The following METTL15 variants were observed in gnomAD, a reference collection of about 807,000 sequenced individuals.
METTL15 encodes the protein methyltransferase 15, mitochondrial 12S rRNA N4-cytidine.
In METTL15, 34 loss-of-function variants were observed where a neutral mutation model predicts 38.3. The observed-to-expected ratio is 0.89, with a 90% confidence interval of 0.68 to 1.18. The LOEUF is 1.18. Ranked by LOEUF, METTL15 falls within the 50% of genes most tolerant of loss-of-function variation. The pLI is 0.00. For synonymous variants in METTL15, 162 were observed against 170.9 expected (o/e 0.95, Z 0.41); for missense variants, 438 against 498.4 (o/e 0.88, Z 1.15).
chr11:28,476,355 G>A (rs1851346115), intron 6 of METTL15, among the ~76,000 whole-genome samples: 1 of 152,140 alleles, frequency 6.6e-6, no homozygotes. Flanking sequence ...TCTGAGTGTT[G>A]AGTTGTTGTC....
chr11:28,185,493 A>G (rs948200214), intron 3 of METTL15, among the ~76,000 whole-genome samples: 72 of 151,558 alleles, frequency 4.8e-4, no homozygotes, highest in African/African-American at 1.5e-3. Flanking sequence ...ATCATCTTCA[A>G]AAGTTACTAG....
At chr11:28,201,610 G>GTGTGTGTGTGTGTGTGTGTGTGT (rs143585250) in intron 3 of METTL15, among the ~76,000 whole-genome samples, 3 of 145,654 alleles carry the variant, frequency 2.1e-5, no homozygotes, top group East Asian at 4.1e-4. Flanking sequence ...GTCTTGGGAG[G>GTGTGTGTGTGTGTGTGTGTGTGT]GTGTGTGTGT....
intron 6 of METTL15, among the ~76,000 whole-genome samples, chr11:28,325,574 A>G (rs983359225): frequency 2.0e-5 from 3 of 152,186 alleles, no homozygotes; most frequent in African/African-American, 7.2e-5. Flanking sequence ...TCTATTCATT[A>G]TCTTTTCAAC....
intron 3 of METTL15, among the ~76,000 whole-genome samples, chr11:28,338,779 C>T (rs1348386352): frequency 6.6e-6 from 1 of 152,094 alleles, no homozygotes; most frequent in Non-Finnish European, 1.5e-5. Context: ...CTTCAAATTA[C>T]AAACCAGGAC....
intron 5 of METTL15, among the ~76,000 whole-genome samples, chr11:28,295,362 A>C (rs767138239): frequency 3.9e-5 from 6 of 152,164 alleles, no homozygotes; most frequent in Non-Finnish European, 8.8e-5. Context: ...TCCAAGGACC[A>C]GATCTTCATC....
intron 3 of METTL15, among the ~76,000 whole-genome samples, chr11:28,189,171 A>C (rs1851611916): frequency 6.6e-6 from 1 of 151,374 alleles, no homozygotes; most frequent in Non-Finnish European, 1.5e-5. Context: ...GGAAATATTA[A>C]ATAGTGTTAA....
At chr11:28,355,163 T>A (rs1187157280) in intron 4 of METTL15, among the ~76,000 whole-genome samples, 3 of 152,192 alleles carry the variant, frequency 2.0e-5, no homozygotes, top group African/African-American at 7.2e-5. Flanking sequence ...ACCTTCTCCC[T>A]TTATCCCAAC....
intron 3 of METTL15, chr11:28,163,681 C>T (rs748415205): frequency 1.3e-5 from 5 of 383,118 alleles, no homozygotes; most frequent in Non-Finnish European, 2.3e-5. Context: ...TGGCTTATAC[C>T]CTGAGAACTT....
At chr11:28,509,508 CTT>C (rs1222751026) in intron 6 of METTL15, among the ~76,000 whole-genome samples, 1 of 150,916 alleles carries the variant, frequency 6.6e-6, no homozygotes, top group African/African-American at 2.4e-5. Flanking sequence ...AAAAGCAAGA[CTT>C]ATCTTTTGGA....
intron 6 of METTL15, among the ~76,000 whole-genome samples, chr11:28,326,259 A>G (rs1849631284): frequency 6.6e-6 from 1 of 151,954 alleles, no homozygotes; most frequent in South Asian, 2.1e-4. Context: ...TTCAGAGTCC[A>G]GCATAAGAGT....
intron 3 of METTL15, among the ~76,000 whole-genome samples, chr11:28,169,001 A>G (rs780540005): frequency 6.6e-6 from 1 of 152,176 alleles, no homozygotes; most frequent in Non-Finnish European, 1.5e-5. Context: ...GCAACAGGGA[A>G]TCACTAAAGG....
intron 3 of METTL15, among the ~76,000 whole-genome samples, chr11:28,197,223 G>A (rs1851941568): frequency 6.6e-6 from 1 of 151,722 alleles, no homozygotes; most frequent in Admixed American, 6.6e-5. Context: ...TGCTGGAAGT[G>A]TATTATCGAG....
chr11:28,363,512 C>T (rs1850158655), intron 5 of METTL15, among the ~76,000 whole-genome samples: 1 of 152,044 alleles, frequency 6.6e-6, no homozygotes. Context: ...CTGTTCATGT[C>T]CTTTGCCCCA....
intron 3 of METTL15, among the ~76,000 whole-genome samples, chr11:28,202,424 A>T (rs1331841133): frequency 6.6e-6 from 1 of 151,958 alleles, no homozygotes; most frequent in Non-Finnish European, 1.5e-5. Flanking sequence ...AATGCTATGT[A>T]TATCTTTCTT....
intron 5 of METTL15, among the ~76,000 whole-genome samples, chr11:28,392,217 G>C (rs1243301180): frequency 6.6e-6 from 1 of 151,374 alleles, no homozygotes; most frequent in Non-Finnish European, 1.5e-5. Context: ...GAAAAACAAT[G>C]ACACTTTTCA....
chr11:28,130,353 G>A (rs949269288), intron 3 of METTL15, among the ~76,000 whole-genome samples: 10 of 151,998 alleles, frequency 6.6e-5, no homozygotes, highest in East Asian at 1.9e-4. Flanking sequence ...GCAGCCTTGC[G>A]TAGGGTGATA....
chr11:28,511,372 A>C (rs1260894784), intron 6 of METTL15, among the ~76,000 whole-genome samples: 1 of 152,236 alleles, frequency 6.6e-6, no homozygotes, highest in Non-Finnish European at 1.5e-5. Context: ...AGATAAAAGA[A>C]TATGTTATTA....
At chr11:28,292,219 C>G (rs963073218) in intron 5 of METTL15, among the ~76,000 whole-genome samples, 1 of 120,786 alleles carries the variant, frequency 8.3e-6, no homozygotes, top group Non-Finnish European at 1.7e-5. Flanking sequence ...TCCCCCCACC[C>G]CACAACAGGC....
At chr11:28,375,613 A>G (rs1435482130) in intron 5 of METTL15, among the ~76,000 whole-genome samples, 3 of 151,918 alleles carry the variant, frequency 2.0e-5, no homozygotes, top group Non-Finnish European at 2.9e-5. Context: ...CTTTCAAAAA[A>G]CCAGCTCCTG....
Sources: gnomAD v4.1 joint callset for allele counts (sites outside exome capture counted in the v4.1 genomes callset) on GRCh38, gnomAD v4.1.1 for gene constraint, MANE v1.5 for transcripts, NCBI Gene and HGNC (gene_info 2026-07-23, HGNC 2026-07-21) for gene names.